TNIK: variants seen among roughly 807,000 people sequenced by gnomAD.
TNIK encodes TRAF2 and NCK-interacting protein kinase.
In TNIK, 49 loss-of-function variants were observed where a neutral mutation model predicts 191.3. The observed-to-expected ratio is 0.26, with a 90% CI of 0.20 to 0.32. TNIK has a LOEUF of 0.32. TNIK is among the 10% of genes least tolerant of loss of function. The probability of loss-of-function intolerance (pLI) is 1.00; values close to 1 mark genes in which losing one functional copy is unlikely to be tolerated. For missense variants in TNIK, 1,155 were observed against 1,702.3 expected (o/e 0.68, Z 5.66); for synonymous variants, 594 against 600.9 (o/e 0.99, Z 0.17).
intron 2 of TNIK, among the ~76,000 whole-genome samples, chr3:171,244,157 C>T (rs1029133610): frequency 5.9e-5 from 9 of 151,472 alleles, no homozygotes; most frequent in Non-Finnish European, 1.3e-4. Flanking sequence ...CTCCGCCTCC[C>T]GGGTTCACAC....
chr3:171,394,951 G>T (rs1021743750), intron 1 of TNIK, among the ~76,000 whole-genome samples: 2 of 152,110 alleles, frequency 1.3e-5, no homozygotes, highest in Admixed American at 1.3e-4. Flanking sequence ...TAAAACTCCG[G>T]GGAAATACGT....
chr3:171,396,293 C>G (rs779913694), intron 1 of TNIK, among the ~76,000 whole-genome samples: 42 of 152,138 alleles, frequency 2.8e-4, no homozygotes, highest in Non-Finnish European at 7.3e-5. Context: ...TACTTCATTC[C>G]TTTTTATGGC....
At chr3:171,165,854 C>G (rs992399071) in intron 10 of TNIK, among the ~76,000 whole-genome samples, 1 of 152,160 alleles carries the variant, frequency 6.6e-6, no homozygotes, top group Non-Finnish European at 1.5e-5. Flanking sequence ...TGCTGTCTAC[C>G]CAGAAAGCCC....
chr3:171,340,545 C>T (rs116198109), intron 2 of TNIK, among the ~76,000 whole-genome samples: 161 of 152,316 alleles, frequency 1.1e-3, no homozygotes, highest in African/African-American at 3.5e-3. Flanking sequence ...CCATGGCACA[C>T]AACTCAAGTC....
intron 2 of TNIK, among the ~76,000 whole-genome samples, chr3:171,354,223 G>A (rs932562911): frequency 5.3e-5 from 8 of 152,038 alleles, no homozygotes; most frequent in Admixed American, 3.3e-4. Context: ...TCAGCATTAG[G>A]CACTTTCACT....
intron 2 of TNIK, among the ~76,000 whole-genome samples, chr3:171,327,094 G>A (rs1479930149): frequency 6.6e-6 from 1 of 152,188 alleles, no homozygotes; most frequent in Non-Finnish European, 1.5e-5. Context: ...CCTACTTTAA[G>A]ATAAAAATGA....
intron 2 of TNIK, among the ~76,000 whole-genome samples, chr3:171,228,615 T>C (rs1743231805): frequency 6.6e-6 from 1 of 152,252 alleles, no homozygotes; most frequent in Admixed American, 6.5e-5. Context: ...TCTTTCATTC[T>C]TAAAATATCC....
chr3:171,063,640 G>C lies in TNIK; in HGVS notation c.*241C>G, dbSNP rs541247478. 6.8e-6 allele frequency: 3 copies of C among 441,148 alleles called. No individual in the cohort carries two copies. Among genetic ancestry groups the C allele is most frequent in the Non-Finnish European group, 1.2e-5 (3 of 248,030 alleles). The allele number at this position is 441,148 out of a possible 1,614,324, so 27.3% of individuals were successfully genotyped here. A position where few individuals can be genotyped will look rare whatever the true frequency, so the allele number is the denominator to read the frequency against. ...GGCACATGGTCCATCTTTGTCCACA[G>C]ACAAGGCAGCATTCTTGGGGATCTC... On this transcript the variant is annotated 3_prime_UTR_variant, in exon 33 of 33. Transcript: ENST00000436636.
At chr3:171,360,624 T>C (rs549142959) in intron 2 of TNIK, among the ~76,000 whole-genome samples, 1 of 152,298 alleles carries the variant, frequency 6.6e-6, no homozygotes, top group South Asian at 2.1e-4. Flanking sequence ...TCCATGTCTG[T>C]CTTAAAGGCT....
At chr3:171,105,671 CA>C (rs892405683) in intron 21 of TNIK, among the ~76,000 whole-genome samples, 2 of 151,430 alleles carry the variant, frequency 1.3e-5, no homozygotes, top group Non-Finnish European at 2.9e-5. Flanking sequence ...TGCAGTACAC[CA>C]AAAAAAAGTA....
Position 171,156,766 on chromosome 3 carries a change from C to A in TNIK, c.1221+694G>T, listed in dbSNP as rs892905268. Among the ~76,000 whole-genome samples, 54 of 152,330 alleles carry A rather than the reference C, an allele frequency of 3.5e-4. 2 individuals are homozygous for A. The highest frequency in any genetic ancestry group is 1.2e-3 in the African/African-American group (50 of 41,576). On this transcript the variant is annotated intron_variant, in intron 12 of 32. Coordinates refer to ENST00000436636, the MANE Select transcript of TNIK (RefSeq NM_015028.4). ...TGCTGCTAAAGGCAGGTCTTGCCCA[C>A]AGGCTGGAGGACAGGCCCTGGGTAC...
intron 1 of TNIK, among the ~76,000 whole-genome samples, chr3:171,391,868 A>G (rs1719555424): frequency 6.6e-6 from 1 of 152,210 alleles, no homozygotes; most frequent in South Asian, 2.1e-4. Flanking sequence ...ACAGATGCAA[A>G]CCAACCTTCA....
intron 2 of TNIK, among the ~76,000 whole-genome samples, chr3:171,336,713 G>A (rs1219242833): frequency 6.6e-6 from 1 of 152,170 alleles, no homozygotes; most frequent in African/African-American, 2.4e-5. Context: ...GCACTAGAAA[G>A]TTTTGTGGGT....
intron 2 of TNIK, among the ~76,000 whole-genome samples, chr3:171,334,349 T>C (rs1756733684): frequency 6.6e-6 from 1 of 152,026 alleles, no homozygotes. Flanking sequence ...CCTGAGGATA[T>C]GGAGTGAGTG....
intron 1 of TNIK, among the ~76,000 whole-genome samples, chr3:171,385,178 C>T (rs1385021605): frequency 1.3e-5 from 2 of 152,048 alleles, no homozygotes; most frequent in Non-Finnish European, 2.9e-5. Flanking sequence ...CCAAAGGGGA[C>T]AAGTAGCTCT....
At chr3:171,390,053 C>G (rs531531138) in intron 1 of TNIK, among the ~76,000 whole-genome samples, 2 of 152,202 alleles carry the variant, frequency 1.3e-5, no homozygotes, top group East Asian at 3.9e-4. Flanking sequence ...TCCTGACTAC[C>G]AAAGTAATTA....
chr3:171,298,099 T>C (rs1354112808), intron 2 of TNIK, among the ~76,000 whole-genome samples: 2 of 152,236 alleles, frequency 1.3e-5, no homozygotes, highest in African/African-American at 2.4e-5. Context: ...TTGGTTTCCA[T>C]TCAATATGAA....
chr3:171,361,827 T>C (rs1321254145), intron 2 of TNIK, among the ~76,000 whole-genome samples: 3 of 152,204 alleles, frequency 2.0e-5, no homozygotes, highest in African/African-American at 4.8e-5. Context: ...TAGTCATTAA[T>C]TGATTTCAAC....
chr3:171,162,942 G>A (rs1734190653), intron 10 of TNIK, among the ~76,000 whole-genome samples: 1 of 152,198 alleles, frequency 6.6e-6, no homozygotes, highest in South Asian at 2.1e-4. Context: ...AGTGCCACTG[G>A]TCATAATGGA....
Sources: gnomAD v4.1 joint callset for allele counts (sites outside exome capture counted in the v4.1 genomes callset) on GRCh38, gnomAD v4.1.1 for gene constraint, MANE v1.5 for transcripts, NCBI Gene and HGNC (gene_info 2026-07-23, HGNC 2026-07-21) for gene names.